The following SORCS1 variants were observed in gnomAD, a reference collection of about 807,000 sequenced individuals.
SORCS1 encodes VPS10 domain-containing receptor SorCS1.
Under a neutral mutation model 146.1 loss-of-function variants are expected in SORCS1, and 60 were observed. The ratio of observed to expected loss-of-function variants is 0.41; its 90% confidence interval spans 0.33 to 0.51. The LOEUF (loss-of-function observed/expected upper bound fraction) is 0.51, where lower values mean the gene tolerates loss of function less well. Ranked by LOEUF, SORCS1 falls within the 20% of genes least tolerant of loss-of-function variation. The pLI is 0.21. For missense variants in SORCS1, 1,352 were observed against 1,487.6 expected, an observed-to-expected ratio of 0.91 and a Z score of 1.50; for synonymous variants, 637 against 584.0, an observed-to-expected ratio of 1.09 and a Z score of -1.31.
intron 1 of SORCS1, among the ~76,000 whole-genome samples, chr10:107,082,344 A>C (rs1182364307): frequency 3.3e-5 from 5 of 152,230 alleles, no homozygotes; most frequent in Admixed American, 1.3e-4. Context: ...TTGCTTTTAA[A>C]GTTTTTTGTT....
At position 106,840,863 on chromosome 10, in the gene SORCS1, ATTTTT is replaced by A. The variant is rs59611702; in HGVS notation, c.627-11195_627-11191del. On this transcript the variant is annotated intron_variant, in intron 2 of 25. Transcript: ENST00000263054. ...ATATTATATATATATATATATATATATTTTTTTTTTTTGGATGGAGTCTTGCTCTG... is the reference window on the plus strand; with the variant it reads ...ATATTATATATATATATATATATATATTTTTTTGGATGGAGTCTTGCTCTG... Among the ~76,000 whole-genome samples, 136 of 124,156 alleles carry A rather than the reference ATTTTT, an allele frequency of 1.1e-3. No individual in the cohort carries two copies. In the East Asian group the frequency reaches 0.012, roughly 11 times the overall value. The allele number at this position is 124,156 out of a possible 152,430, so 81.5% of individuals were successfully genotyped here.
chr10:107,098,990 C>T (rs1299136570), intron 1 of SORCS1, among the ~76,000 whole-genome samples: 1 of 152,210 alleles, frequency 6.6e-6, no homozygotes, highest in African/African-American at 2.4e-5. Flanking sequence ...GCGTACAGTA[C>T]TGAATTAGTC....
At chr10:106,625,836 C>T (rs891202406) in intron 19 of SORCS1, among the ~76,000 whole-genome samples, 4 of 151,922 alleles carry the variant, frequency 2.6e-5, no homozygotes, top group East Asian at 1.9e-4. Flanking sequence ...AGACTGGCTG[C>T]GACAAGGCAG....
At chr10:107,139,008 A>C (rs1435554805) in intron 1 of SORCS1, among the ~76,000 whole-genome samples, 1 of 152,202 alleles carries the variant, frequency 6.6e-6, no homozygotes, top group Non-Finnish European at 1.5e-5. Context: ...TGCCAACCAA[A>C]TGAGGGTAAA....
At chr10:107,132,102 G>GC (rs1966896862) in intron 1 of SORCS1, among the ~76,000 whole-genome samples, 1 of 152,018 alleles carries the variant, frequency 6.6e-6, no homozygotes, top group Non-Finnish European at 1.5e-5. Context: ...GCATTTAAAG[G>GC]CATCGAATAC....
At chr10:107,015,001 G>A (rs540027397) in intron 1 of SORCS1, among the ~76,000 whole-genome samples, 1 of 152,278 alleles carries the variant, frequency 6.6e-6, no homozygotes, top group South Asian at 2.1e-4. Context: ...CCCATGCTTA[G>A]GGTCAGGATG....
rs759629751 is a variant in SORCS1 at position 106,579,480 on chromosome 10, G to T, written c.3266-6C>A. 3.7e-6 allele frequency: 6 copies of T among 1,613,370 alleles called. No individual in the cohort carries two copies. The highest frequency in any genetic ancestry group is 2.2e-5 in the South Asian group (2 of 91,034). On this transcript the variant is annotated splice_region_variant and splice_polypyrimidine_tract_variant and intron_variant, in intron 24 of 25. Coordinates refer to ENST00000263054, the MANE Select transcript of SORCS1 (RefSeq NM_052918.5). The stretch of plus-strand genomic sequence containing the variant: ...AGTGAGGTCCACCAGGGGGGCTTGT[G>T]GGGGAAACAGAGCAGAGAAAAATGA...
intron 3 of SORCS1, among the ~76,000 whole-genome samples, chr10:106,785,639 G>C (rs149134053): frequency 6.6e-6 from 1 of 152,162 alleles, no homozygotes; most frequent in Non-Finnish European, 1.5e-5. Flanking sequence ...GTGTACTGGG[G>C]AAGATTAATG....
Position 106,699,349 on chromosome 10 carries a change from C to A in SORCS1, c.1278G>T (p.Ala426=). 6.2e-7 allele frequency: 1 copy of A among 1,613,726 alleles called. No homozygotes were observed. Among genetic ancestry groups the A allele is most frequent in the Non-Finnish European group, 8.5e-7 (1 of 1,179,774 alleles). ...TGTCATTCTGGTTCCATTCTTGGAC[C>A]GCTGCGAACACCTGATTCTCATCGG... ...ISTDENQVFA[A]VQEWNQNDTY... The change falls in exon 9 of 26, where the codon GCG becomes GCT. Residue 426 remains alanine (A), a synonymous_variant. Transcript: ENST00000263054.
chr10:106,689,619 C>T (rs763692288), intron 9 of SORCS1, among the ~76,000 whole-genome samples: 51 of 152,126 alleles, frequency 3.4e-4, no homozygotes, highest in Admixed American at 9.2e-4. Flanking sequence ...CCTCGCCAAA[C>T]GCCAAGCACT....
At chr10:107,046,506 C>T (rs934891285) in intron 1 of SORCS1, among the ~76,000 whole-genome samples, 5 of 151,842 alleles carry the variant, frequency 3.3e-5, no homozygotes, top group Admixed American at 2.0e-4. Context: ...GATAAAGAGA[C>T]CCCAAATGCA....
chr10:106,628,220 C>A (rs1848222812), intron 19 of SORCS1, among the ~76,000 whole-genome samples: 2 of 152,254 alleles, frequency 1.3e-5, no homozygotes, highest in Middle Eastern at 3.4e-3. Flanking sequence ...ACTCAACAAC[C>A]AAAACACCTT....
intron 1 of SORCS1, among the ~76,000 whole-genome samples, chr10:107,074,802 T>A (rs1962743743): frequency 6.6e-6 from 1 of 152,200 alleles, no homozygotes. Flanking sequence ...AAATACGATG[T>A]GCAGCATTTT....
chr10:106,683,605 G>T (rs981096733), intron 10 of SORCS1, among the ~76,000 whole-genome samples: 18 of 152,164 alleles, frequency 1.2e-4, no homozygotes, highest in African/African-American at 4.3e-4. Context: ...TTACTTAAGG[G>T]TCAACCAGCT....
intron 24 of SORCS1, among the ~76,000 whole-genome samples, chr10:106,581,806 C>A (rs1282864255): frequency 6.6e-6 from 1 of 152,042 alleles, no homozygotes; most frequent in Non-Finnish European, 1.5e-5. Flanking sequence ...ACCACAATAC[C>A]ATCATCACAT....
Position 106,843,857 on chromosome 10 carries a change from A to G in SORCS1, c.627-14184T>C, listed in dbSNP as rs59482403. On this transcript the variant is annotated intron_variant, in intron 2 of 25. Transcript: ENST00000263054. ...CTTGGCTATTGTGAATAATGTTGCA[A>G]TGAACACAGAAGCACCAGCTATCTC... 8.3e-3 allele frequency among the ~76,000 whole-genome samples: 1,262 copies of G among 152,336 alleles called. 22 individuals are homozygous for G. Among genetic ancestry groups the G allele is most frequent in the African/African-American group, 0.029 (1,209 of 41,578 alleles).
rs562213104 is a variant in SORCS1, at chr10:106,891,501, A to ATTTTTTT, written c.627-61829_627-61828insAAAAAAA. On this transcript the variant is annotated intron_variant, in intron 2 of 25. Coordinates refer to ENST00000263054, the MANE Select transcript of SORCS1 (RefSeq NM_052918.5). Reference sequence around the variant, plus strand: ...AAAGTAATCAGAAGTTTCAATGGGAATTCTTTTTTTTTTTTTGAGAAAAGA... The same window carrying ATTTTTTT: ...AAAGTAATCAGAAGTTTCAATGGGAATTTTTTTTTCTTTTTTTTTTTTTGAGAAAAGA... Among the ~76,000 whole-genome samples the ATTTTTTT allele has an allele frequency of 5.4e-5, 4 of 74,118 alleles. No homozygotes were observed. The East Asian group carries it at 1.4e-3, about 25-fold the overall frequency. 48.6% of individuals were successfully genotyped at this position (74,118 alleles called of 152,430 possible).
chr10:107,017,741 C>T (rs945187317), intron 1 of SORCS1, among the ~76,000 whole-genome samples: 9 of 152,112 alleles, frequency 5.9e-5, no homozygotes, highest in African/African-American at 1.9e-4. Flanking sequence ...CTGCAACCTC[C>T]ACTTCCCTGG....
chr10:106,833,550 C>T (rs916248111), intron 2 of SORCS1, among the ~76,000 whole-genome samples: 2 of 152,264 alleles, frequency 1.3e-5, no homozygotes, highest in South Asian at 4.1e-4. Context: ...GTTGTTCCTG[C>T]GAGGCTTATC....
Sources: gnomAD v4.1 joint callset for allele counts (sites outside exome capture counted in the v4.1 genomes callset) on GRCh38, gnomAD v4.1.1 for gene constraint, MANE v1.5 for transcripts, NCBI Gene and HGNC (gene_info 2026-07-23, HGNC 2026-07-21) for gene names.